The following ARID1B variants were observed in gnomAD, a reference collection of about 807,000 sequenced individuals.
ARID1B encodes AT-rich interaction domain 1B.
ARID1B carries 30 observed loss-of-function variants against 212.3 expected under a neutral mutation model. The ratio of observed to expected loss-of-function variants is 0.14; its 90% CI spans 0.11 to 0.19. ARID1B has a LOEUF of 0.19. ARID1B is among the 10% of genes least tolerant of loss of function. ARID1B has a pLI of 1.00. For missense variants in ARID1B, 2,891 were observed against 3,204.0 expected, an observed-to-expected ratio of 0.90 and a Z score of 2.36; for synonymous variants, 1,402 against 1,301.7, an observed-to-expected ratio of 1.08 and a Z score of -1.66.
rs1206264066 is a variant in ARID1B, at chr6:156,779,324, C to A, written c.1644C>A (p.Gly548=). 1.8e-6 allele frequency: 2 copies of A among 1,140,338 alleles called. No homozygotes were observed. Among genetic ancestry groups the A allele is most frequent in the Non-Finnish European group, 2.1e-6 (2 of 931,374 alleles). 70.6% of individuals were successfully genotyped at this position (1,140,338 alleles called of 1,614,324 possible). The change falls in exon 1 of 20, where the codon GGC becomes GGA. Residue 548 remains glycine (G), a synonymous_variant. Transcript: ENST00000636930. ...SQAAAAGAAA[G]GQQAAAGMGL... is the part of the protein sequence containing the mutation. ...CGGCGGCGGCGGGGGCGGCGGCGGGCGGCCAGCAGGCGGCCGCGGGCATGG... is the reference window on the plus strand; with the variant it reads ...CGGCGGCGGCGGGGGCGGCGGCGGGAGGCCAGCAGGCGGCCGCGGGCATGG...
chr6:156,998,894 C>T (rs375566823), intron 4 of ARID1B, among the ~76,000 whole-genome samples: 3 of 152,178 alleles, frequency 2.0e-5, no homozygotes, highest in South Asian at 2.1e-4. Flanking sequence ...TGGTGGAACG[C>T]GGCCCTTGAG....
chr6:156,926,768 G>A (rs1443880835), intron 3 of ARID1B, among the ~76,000 whole-genome samples: 1 of 152,072 alleles, frequency 6.6e-6, no homozygotes, highest in South Asian at 2.1e-4. Context: ...CTGCAACTTC[G>A]CCTCCCAGGT....
chr6:157,179,790 TTCTGAGGGACCTACTTTTACTGGAGA>T (rs1792375337), intron 11 of ARID1B, among the ~76,000 whole-genome samples: 1 of 152,188 alleles, frequency 6.6e-6, no homozygotes. Context: ...CAGGCATCCT[TTCTGAGGGACCTACTTTTACTGGAGA>T]TCATTCTGCT....
intron 4 of ARID1B, among the ~76,000 whole-genome samples, chr6:157,010,022 A>G (rs1221562100): frequency 6.6e-6 from 1 of 152,234 alleles, no homozygotes; most frequent in African/African-American, 2.4e-5. Context: ...TTCTCATATG[A>G]AAGAGTGTTA....
intron 2 of ARID1B, among the ~76,000 whole-genome samples, chr6:156,869,363 A>G (rs1485416758): frequency 6.6e-6 from 1 of 152,206 alleles, no homozygotes; most frequent in East Asian, 1.9e-4. Context: ...AAAGCGAATA[A>G]TGAATGGTTT....
chr6:157,080,332 G>T (rs1028394518), intron 4 of ARID1B, among the ~76,000 whole-genome samples: 1 of 152,168 alleles, frequency 6.6e-6, no homozygotes, highest in Non-Finnish European at 1.5e-5. Flanking sequence ...AAAGCCACCA[G>T]TATTGACTGA....
At chr6:156,800,952 TTGTA>T (rs1277815374) in intron 1 of ARID1B, among the ~76,000 whole-genome samples, 1 of 152,202 alleles carries the variant, frequency 6.6e-6, no homozygotes, top group Non-Finnish European at 1.5e-5. Context: ...ATTAGCCACA[TTGTA>T]TGTGCTCAGC....
chr6:157,021,763 G>A (rs974991071), intron 4 of ARID1B, among the ~76,000 whole-genome samples: 2 of 151,876 alleles, frequency 1.3e-5, no homozygotes, highest in Non-Finnish European at 2.9e-5. Flanking sequence ...GGCGGGAGGC[G>A]GCGGCCGCTC....
In ARID1B at chr6:156,779,462, C is replaced by T. The variant is rs748498440; in HGVS notation, c.1782C>T (p.Gly594=). ...MSPGTPGPTM[G]RSQGSPMDPM... ...CCGGCACCCCCGGACCGACCATGGGCAGATCCCAGGTAACCCTCGCGCCAG... is the reference window on the plus strand; with the variant it reads ...CCGGCACCCCCGGACCGACCATGGGTAGATCCCAGGTAACCCTCGCGCCAG... Residue 594 remains glycine, a synonymous_variant, in exon 1 of 20, where the codon GGC becomes GGT. Transcript: ENST00000636930. The T allele has an allele frequency of 7.0e-7, 1 of 1,421,022 alleles. No individual in the cohort carries two copies. Among genetic ancestry groups the T allele is most frequent in the Non-Finnish European group, 9.2e-7 (1 of 1,081,640 alleles). The allele number at this position is 1,421,022 out of a possible 1,614,324, so 88.0% of individuals were successfully genotyped here.
At chr6:156,909,574 A>T (rs1350332738) in intron 3 of ARID1B, among the ~76,000 whole-genome samples, 1 of 152,224 alleles carries the variant, frequency 6.6e-6, no homozygotes, top group East Asian at 1.9e-4. Context: ...AAATTTAAAC[A>T]AGATTTATTA....
At chr6:157,034,278 C>G (rs6938379) in intron 4 of ARID1B, among the ~76,000 whole-genome samples, 120,282 of 152,224 alleles carry the variant, frequency 0.79, 48,419 homozygotes, top group African/African-American at 0.95. Context: ...TAAATATCTG[C>G]ACAGTATTTA....
chr6:157,105,705 G>A (rs1210341774), intron 5 of ARID1B, among the ~76,000 whole-genome samples: 2 of 152,052 alleles, frequency 1.3e-5, no homozygotes, highest in East Asian at 1.9e-4. Context: ...GGGTTCAAGC[G>A]ATTCTCCTGC....
intron 4 of ARID1B, among the ~76,000 whole-genome samples, chr6:156,983,967 T>C (rs1777772821): frequency 6.6e-6 from 1 of 152,228 alleles, no homozygotes. Context: ...CATCTACATA[T>C]ATTGTTAGCA....
At chr6:156,954,165 C>T (rs1282163976) in intron 4 of ARID1B, among the ~76,000 whole-genome samples, 2 of 151,116 alleles carry the variant, frequency 1.3e-5, no homozygotes, top group Non-Finnish European at 2.9e-5. Context: ...AGACAAAGTT[C>T]TAAGGAACTA....
intron 4 of ARID1B, among the ~76,000 whole-genome samples, chr6:157,049,130 G>A (rs561932225): frequency 1.3e-5 from 2 of 148,486 alleles, no homozygotes; most frequent in African/African-American, 2.5e-5. Context: ...CTGAGATCAT[G>A]CCACTGCACT....
At chr6:156,812,549 T>C (rs1338065374) in intron 1 of ARID1B, among the ~76,000 whole-genome samples, 1 of 152,188 alleles carries the variant, frequency 6.6e-6, no homozygotes, top group African/African-American at 2.4e-5. Flanking sequence ...GACCTTCTTA[T>C]ACCTCTGCTT....
chr6:157,076,348 T>G (rs1290281982), intron 4 of ARID1B, among the ~76,000 whole-genome samples: 1 of 151,814 alleles, frequency 6.6e-6, no homozygotes. Context: ...GAGGTCTCAC[T>G]GTGTTGCCCA....
rs1453855828 is a variant in ARID1B at position 156,799,004 on chromosome 6, G to GT, written c.1791+19534dup. Among the ~76,000 whole-genome samples, 6 of 152,080 alleles carry GT rather than the reference G, an allele frequency of 3.9e-5. 1 individual carries two copies. The highest frequency in any genetic ancestry group is 4.8e-5 in the African/African-American group (2 of 41,380). ...AAAATGGCTAATGCTGCACAGGTGTGTATTTCCTACCATATATTTATAAAA... is the reference window on the plus strand; with the variant it reads ...AAAATGGCTAATGCTGCACAGGTGTGTTATTTCCTACCATATATTTATAAAA... On this transcript the variant is annotated intron_variant, in intron 1 of 19. Coordinates refer to ENST00000636930, the MANE Select transcript of ARID1B (RefSeq NM_001374828.1).
At chr6:157,110,376 C>A in intron 5 of ARID1B, 96 bp from the exon 6 acceptor site, 1 of 1,037,800 alleles carries the variant, frequency 9.6e-7, no homozygotes, top group Non-Finnish European at 1.5e-6. Flanking sequence ...CTTTTGTGAT[C>A]ATAAAAATTA....
Sources: allele counts gnomAD v4.1 joint callset (sites outside exome capture counted in the v4.1 genomes callset), GRCh38; gene constraint gnomAD v4.1.1; transcripts MANE v1.5; gene names NCBI Gene and HGNC (gene_info 2026-07-23, HGNC 2026-07-21).